Variants in LHFPL3 observed in about 807,000 individuals in gnomAD.
The protein encoded by LHFPL3 is LHFPL tetraspan subfamily member 3 protein.
In LHFPL3, 5 loss-of-function variants were observed where a neutral mutation model predicts 19.3. That is an observed-to-expected ratio of 0.26 (90% CI 0.14 to 0.54). The LOEUF (loss-of-function observed/expected upper bound fraction) is 0.54, where lower values mean the gene tolerates loss of function less well. Among genes scored for constraint, LHFPL3 ranks in the 20% least tolerant of loss-of-function variants. LHFPL3 has a pLI of 0.94. For synonymous variants in LHFPL3, 133 were observed against 126.2 expected (o/e 1.05, Z -0.36); for missense variants, 249 against 307.4 (o/e 0.81, Z 1.42).
chr7:104,869,665 C>T (rs1791794522), intron 2 of LHFPL3, among the ~76,000 whole-genome samples: 1 of 151,916 alleles, frequency 6.6e-6, no homozygotes, highest in South Asian at 2.1e-4. Context: ...AGTTCAACCA[C>T]TGTGGAAGTC....
chr7:104,403,754 TC>T (rs1791362985), intron 1 of LHFPL3, among the ~76,000 whole-genome samples: 2 of 151,206 alleles, frequency 1.3e-5, no homozygotes, highest in Non-Finnish European at 3.0e-5. Flanking sequence ...TCTCTCTCTC[TC>T]TCTCATCATT....
In LHFPL3 at chr7:104,756,574, A is replaced by G. The variant is rs558790799; in HGVS notation, c.682+19663A>G. 3.9e-5 allele frequency among the ~76,000 whole-genome samples: 6 copies of G among 152,298 alleles called. No homozygotes were observed. The South Asian group carries it at 6.2e-4, about 16-fold the overall frequency. The stretch of plus-strand genomic sequence containing the variant: ...AAGTGCAGTGGTGCCCTCTCAGCTC[A>G]CTGCAACCTCCACCTCCCAGGTTCA... On this transcript the variant is annotated intron_variant, in intron 2 of 2. Coordinates refer to ENST00000424859, the MANE Select transcript of LHFPL3 (RefSeq NM_199000.3).
At chr7:104,400,665 T>G (rs1425861330) in intron 1 of LHFPL3, among the ~76,000 whole-genome samples, 1 of 152,126 alleles carries the variant, frequency 6.6e-6, no homozygotes, top group Non-Finnish European at 1.5e-5. Flanking sequence ...CAAAATCCTC[T>G]CCACTCAGCC....
chr7:104,602,736 T>G (rs1308688922), intron 1 of LHFPL3, among the ~76,000 whole-genome samples: 1 of 152,210 alleles, frequency 6.6e-6, no homozygotes, highest in Non-Finnish European at 1.5e-5. Context: ...GACTGGGTAA[T>G]GTATCTTAAA....
At chr7:104,433,672 A>C (rs1048813984) in intron 1 of LHFPL3, among the ~76,000 whole-genome samples, 1 of 152,160 alleles carries the variant, frequency 6.6e-6, no homozygotes, top group Non-Finnish European at 1.5e-5. Context: ...CTTGGCCTAG[A>C]ATGCCTTTTG....
At chr7:104,743,023 AG>A (rs772465179) in intron 2 of LHFPL3, among the ~76,000 whole-genome samples, 3 of 152,174 alleles carry the variant, frequency 2.0e-5, no homozygotes, top group Non-Finnish European at 4.4e-5. Context: ...CAGGACGCTG[AG>A]GCAGGAGAAT....
intron 1 of LHFPL3, among the ~76,000 whole-genome samples, chr7:104,569,054 G>C (rs1450695933): frequency 6.6e-6 from 1 of 152,158 alleles, no homozygotes; most frequent in African/African-American, 2.4e-5. Flanking sequence ...AACCTCTAAT[G>C]CTGCTTATTA....
At chr7:104,902,418 G>C (rs1165660645) in intron 2 of LHFPL3, among the ~76,000 whole-genome samples, 1 of 151,508 alleles carries the variant, frequency 6.6e-6, no homozygotes, top group Admixed American at 6.6e-5. Context: ...AGGAGGGAGA[G>C]GAGAAGGAGG....
At chr7:104,474,065 A>T (rs1159658127) in intron 1 of LHFPL3, among the ~76,000 whole-genome samples, 1 of 152,164 alleles carries the variant, frequency 6.6e-6, no homozygotes, top group Non-Finnish European at 1.5e-5. Flanking sequence ...GAGTAGGAAA[A>T]TGTCCCAAGC....
At chr7:104,671,282 G>A (rs1040041842) in intron 1 of LHFPL3, among the ~76,000 whole-genome samples, 1 of 151,648 alleles carries the variant, frequency 6.6e-6, no homozygotes, top group Non-Finnish European at 1.5e-5. Flanking sequence ...ACTATTGATT[G>A]TAGATAATGA....
intron 1 of LHFPL3, among the ~76,000 whole-genome samples, chr7:104,533,213 G>A (rs1794335516): frequency 6.6e-6 from 1 of 152,152 alleles, no homozygotes; most frequent in South Asian, 2.1e-4. Flanking sequence ...CTGGATATGA[G>A]TGACCACTCT....
intron 1 of LHFPL3, among the ~76,000 whole-genome samples, chr7:104,347,748 C>CA (rs1790099231): frequency 6.6e-6 from 1 of 151,948 alleles, no homozygotes; most frequent in Non-Finnish European, 1.5e-5. Context: ...AAAAATTAGT[C>CA]GGGCGTGGTG....
intron 1 of LHFPL3, among the ~76,000 whole-genome samples, chr7:104,712,234 A>T (rs1793311458): frequency 6.6e-6 from 1 of 152,232 alleles, no homozygotes; most frequent in African/African-American, 2.4e-5. Context: ...CTATTACAAC[A>T]AAGTGCCATG....
chr7:104,329,021 G>C lies in LHFPL3; in HGVS notation c.242G>C (p.Gly81Ala). Residue 81 changes from glycine to alanine, a missense_variant, in exon 1 of 3, where the codon GGC becomes GCC. Physicochemically the swap from Gly to Ala is moderately conservative, Grantham distance 60 (BLOSUM62 0). Coordinates refer to ENST00000424859, the MANE Select transcript of LHFPL3 (RefSeq NM_199000.3). ...TTCGGGCTCTTCCACTACTGCATCG[G>C]CAACGGCTTCTCCCGGGAGCTGACC... ...GYFGLFHYCI[G>A]NGFSRELTCR... 1 of 1,614,068 alleles carries C rather than the reference G, an allele frequency of 6.2e-7. No individual in the cohort carries two copies. The highest frequency in any genetic ancestry group is 8.5e-7 in the Non-Finnish European group (1 of 1,179,926).
intron 1 of LHFPL3, among the ~76,000 whole-genome samples, chr7:104,628,176 A>G (rs1326346416): frequency 6.6e-6 from 1 of 152,146 alleles, no homozygotes; most frequent in East Asian, 1.9e-4. Flanking sequence ...TCAGATACAC[A>G]TGGCCCATTC....
chr7:104,502,554 C>T (rs1331521009), intron 1 of LHFPL3, among the ~76,000 whole-genome samples: 3 of 152,294 alleles, frequency 2.0e-5, no homozygotes, highest in East Asian at 3.9e-4. Flanking sequence ...GTCCCATTCT[C>T]GAGCTACATG....
intron 1 of LHFPL3, among the ~76,000 whole-genome samples, chr7:104,532,318 C>CTTTTTTTTTTTTTTTTTTTTTTTTTT (rs71155504): frequency 5.7e-5 from 5 of 87,230 alleles, no homozygotes; most frequent in East Asian, 4.1e-4. Context: ...TTCTTTCTGT[C>CTTTTTTTTTTTTTTTTTTTTTTTTTT]TTTTTTTTTT....
intron 1 of LHFPL3, among the ~76,000 whole-genome samples, chr7:104,465,272 A>G (rs1243616667): frequency 1.3e-5 from 2 of 152,166 alleles, no homozygotes; most frequent in Non-Finnish European, 2.9e-5. Context: ...ATTTTGATCA[A>G]AGCCATTCAA....
intron 1 of LHFPL3, among the ~76,000 whole-genome samples, chr7:104,466,026 A>G (rs1377424951): frequency 6.6e-6 from 1 of 152,234 alleles, no homozygotes; most frequent in Non-Finnish European, 1.5e-5. Flanking sequence ...GGCGAAGAGA[A>G]GAATATATAT....
Sources: allele counts gnomAD v4.1 joint callset (sites outside exome capture counted in the v4.1 genomes callset), GRCh38; gene constraint gnomAD v4.1.1; transcripts MANE v1.5; gene names NCBI Gene and HGNC (gene_info 2026-07-23, HGNC 2026-07-21).